The following DYNC2H1 variants were observed in gnomAD, a reference collection of about 807,000 sequenced individuals.
The protein encoded by DYNC2H1 is dynein cytoplasmic 2 heavy chain 1.
In DYNC2H1, 410 loss-of-function variants were observed where a neutral mutation model predicts 570.0. The observed-to-expected ratio is 0.72, with a 90% CI of 0.66 to 0.78. The LOEUF is 0.78. Ranked by LOEUF, DYNC2H1 falls within the 30% of genes least tolerant of loss-of-function variation. The pLI, the probability that DYNC2H1 is intolerant of heterozygous loss-of-function variation, is 0.00. For synonymous variants in DYNC2H1, 1,688 were observed against 1,677.6 expected (o/e 1.01, Z -0.15); for missense variants, 4,865 against 5,046.4 (o/e 0.96, Z 1.09).
rs1340283933 is a variant in DYNC2H1, at chr11:103,114,138, T to G, written c.402T>G (p.Leu134=). The change falls in exon 3 of 89, where the codon CTT becomes CTG. Residue 134 remains leucine, a synonymous_variant. Coordinates refer to ENST00000375735, the MANE Select transcript of DYNC2H1 (RefSeq NM_001377.3). ...GGAGCAGAAACTTTGATCCCAAACT[T>G]CAGAATCTTTTGAGTGAACTAGAAG... ...QEWSRNFDPK[L]QNLLSELEAG... The G allele has an allele frequency of 1.9e-6, 3 of 1,610,226 alleles. No homozygotes were observed. The African/African-American group carries it at 4.0e-5, about 21-fold the overall frequency.
chr11:103,426,447 T>G (rs1447440788), intron 84 of DYNC2H1, among the ~76,000 whole-genome samples: 1 of 152,174 alleles, frequency 6.6e-6, no homozygotes, highest in African/African-American at 2.4e-5. Flanking sequence ...AATTAGTTGG[T>G]GGGGGTAGGA....
At position 103,267,696 on chromosome 11, in the gene DYNC2H1, C is replaced by A. The variant is rs571275992; in HGVS notation, c.10695+7719C>A. On this transcript the variant is annotated intron_variant, in intron 70 of 88. Transcript: ENST00000375735. ...TTAATGGAACTATATAGAAAGGAAA[C>A]CTTAAAGATCCATTTAACTATTTCC... 9.2e-5 allele frequency among the ~76,000 whole-genome samples: 14 copies of A among 152,002 alleles called. 1 individual carries two copies. Among genetic ancestry groups the A allele is most frequent in the Middle Eastern group, 3.5e-3 (1 of 286 alleles).
chr11:103,161,087 T>C, intron 29 of DYNC2H1, 43 bp downstream of exon 29: 6 of 1,109,934 alleles, frequency 5.4e-6, no homozygotes, highest in Non-Finnish European at 6.3e-6. Context: ...AAGAATTAAC[T>C]ATATATGAAC....
At chr11:103,196,568 A>G (rs1049960827) in intron 47 of DYNC2H1, among the ~76,000 whole-genome samples, 2 of 152,180 alleles carry the variant, frequency 1.3e-5, no homozygotes, top group Non-Finnish European at 2.9e-5. Context: ...TTTGGTATAT[A>G]AATTATTGAT....
intron 61 of DYNC2H1, among the ~76,000 whole-genome samples, chr11:103,235,391 A>C (rs1864182543): frequency 6.6e-6 from 1 of 151,918 alleles, no homozygotes; most frequent in Non-Finnish European, 1.5e-5. Context: ...ACTCACATTT[A>C]ACTGTGATTG....
At chr11:103,441,959 A>T (rs1344039606) in intron 85 of DYNC2H1, among the ~76,000 whole-genome samples, 3 of 152,126 alleles carry the variant, frequency 2.0e-5, no homozygotes, top group Non-Finnish European at 2.9e-5. Context: ...TAACTTTCCT[A>T]GTCCTTGGTA....
intron 81 of DYNC2H1, among the ~76,000 whole-genome samples, chr11:103,321,806 C>T (rs377156081): frequency 2.6e-5 from 4 of 151,922 alleles, no homozygotes; most frequent in African/African-American, 9.7e-5. Context: ...TAAGTATAGC[C>T]AAAAGATTTC....
intron 83 of DYNC2H1, among the ~76,000 whole-genome samples, chr11:103,386,697 G>A (rs989326540): frequency 5.9e-5 from 9 of 151,960 alleles, no homozygotes; most frequent in Admixed American, 2.0e-4. Context: ...TCCCCTTCCT[G>A]TGTACATGTG....
Position 103,114,195 on chromosome 11 carries a change from C to T in DYNC2H1, c.459C>T (p.Asp153=), listed in dbSNP as rs754368518. The T allele has an allele frequency of 5.2e-5, 83 of 1,601,148 alleles. No individual in the cohort carries two copies. The highest frequency in any genetic ancestry group is 7.0e-5 in the Non-Finnish European group (82 of 1,172,974). ...TGGGTATAGTTCTACGAAGATCAGACACTAACTTAACAAAATTGAAATTTA... is the reference window on the plus strand; with the variant it reads ...TGGGTATAGTTCTACGAAGATCAGATACTAACTTAACAAAATTGAAATTTA... The part of the protein sequence containing the change: ...AGLGIVLRRS[D]TNLTKLKFKE... Residue 153 remains aspartate, a synonymous_variant, in exon 3 of 89, where the codon GAC becomes GAT. Coordinates refer to ENST00000375735, the MANE Select transcript of DYNC2H1 (RefSeq NM_001377.3).
chr11:103,428,908 C>T (rs1238207365), intron 84 of DYNC2H1, among the ~76,000 whole-genome samples: 1 of 151,908 alleles, frequency 6.6e-6, no homozygotes, highest in Non-Finnish European at 1.5e-5. Context: ...TTGTTTCCAC[C>T]TTCCTAACTT....
At chr11:103,402,526 G>T (rs963730758) in intron 84 of DYNC2H1, 1 of 152,116 alleles carries the variant, frequency 6.6e-6, no homozygotes, top group Non-Finnish European at 1.5e-5. Context: ...AGCTGAGAGA[G>T]CCCCTGTTAA....
chr11:103,262,886 A>G (rs1865358928), intron 70 of DYNC2H1, among the ~76,000 whole-genome samples: 1 of 152,160 alleles, frequency 6.6e-6, no homozygotes, highest in African/African-American at 2.4e-5. Context: ...TGCTCCAATT[A>G]AAAGACACAG....
At chr11:103,357,841 T>G (rs973569065) in intron 82 of DYNC2H1, among the ~76,000 whole-genome samples, 1 of 152,066 alleles carries the variant, frequency 6.6e-6, no homozygotes, top group African/African-American at 2.4e-5. Flanking sequence ...TCCCAGCTAG[T>G]AGGGAGGCTG....
At position 103,116,473 on chromosome 11, in the gene DYNC2H1, T is replaced by TA. The variant is rs1397420485; in HGVS notation, c.622-96dup. 3.3e-5 allele frequency: 28 copies of TA among 848,300 alleles called. No individual in the cohort carries two copies. In the South Asian group the frequency reaches 4.7e-4, roughly 14 times the overall value. 52.5% of individuals were successfully genotyped at this position (848,300 alleles called of 1,614,324 possible). On this transcript the variant is annotated intron_variant, in intron 4 of 88. Coordinates refer to ENST00000375735, the MANE Select transcript of DYNC2H1 (RefSeq NM_001377.3). ...GAGGAGAAAATAATATGGCAAATAT[T>TA]AGAGTTGTGGCAGTTGAAAAGGCCT...
intron 83 of DYNC2H1, among the ~76,000 whole-genome samples, chr11:103,366,788 A>G (rs1392925506): frequency 1.3e-5 from 2 of 152,186 alleles, no homozygotes; most frequent in Non-Finnish European, 2.9e-5. Flanking sequence ...TTAAGTGTCC[A>G]ATAAATATAA....
intron 38 of DYNC2H1, among the ~76,000 whole-genome samples, chr11:103,178,096 T>A (rs560077910): frequency 1.1e-3 from 172 of 152,216 alleles, no homozygotes; most frequent in African/African-American, 4.0e-3. Flanking sequence ...ATATAAAATC[T>A]TTGCTGAGTT....
chr11:103,137,512 G>C (rs1565331457), intron 17 of DYNC2H1, among the ~76,000 whole-genome samples: 1 of 152,084 alleles, frequency 6.6e-6, no homozygotes, highest in African/African-American at 2.4e-5. Flanking sequence ...GTTTTTCTCA[G>C]GTTTGTCAAA....
chr11:103,195,613 G>C (rs539799943), intron 47 of DYNC2H1, among the ~76,000 whole-genome samples: 1 of 152,110 alleles, frequency 6.6e-6, no homozygotes, highest in Non-Finnish European at 1.5e-5. Flanking sequence ...AATTGTTTTA[G>C]CTATTTCTGT....
Position 103,256,398 on chromosome 11 carries a change from T to C in DYNC2H1, c.10461+158T>C, listed in dbSNP as rs916437719. Among the ~76,000 whole-genome samples the C allele has an allele frequency of 6.6e-6, 1 of 152,170 alleles. No homozygotes were observed. Among genetic ancestry groups the C allele is most frequent in the African/African-American group, 2.4e-5 (1 of 41,430 alleles). Reference sequence around the variant, plus strand: ...ACATTGGGTTTGATTCTAGTTATTGTAGAGAGGGAATTCAGATGTTGGCAC... The same window carrying C: ...ACATTGGGTTTGATTCTAGTTATTGCAGAGAGGGAATTCAGATGTTGGCAC... On this transcript the variant is annotated intron_variant, in intron 68 of 88. Coordinates refer to ENST00000375735, the MANE Select transcript of DYNC2H1 (RefSeq NM_001377.3). The surrounding 1 kb of genome is among the most constrained non-coding windows in gnomAD (Gnocchi z 4.0).
Sources: allele counts gnomAD v4.1 joint callset (sites outside exome capture counted in the v4.1 genomes callset), GRCh38; gene constraint gnomAD v4.1.1; non-coding constraint Gnocchi (gnomAD v3.1); transcripts MANE v1.5; gene names NCBI Gene and HGNC (gene_info 2026-07-23, HGNC 2026-07-21).